Variants in SLC6A13 observed in about 807,000 individuals in gnomAD.
SLC6A13 encodes sodium- and chloride-dependent GABA transporter 2.
SLC6A13 carries 69 observed loss-of-function variants against 72.9 expected under a neutral mutation model. The observed-to-expected ratio is 0.95, with a 90% CI of 0.78 to 1.16. The LOEUF is 1.16. SLC6A13 is among the 50% of genes most tolerant of loss of function. The pLI, the probability that SLC6A13 is intolerant of heterozygous loss-of-function variation, is 0.00. For synonymous variants in SLC6A13, 303 were observed against 303.0 expected (o/e 1.00, Z 0.00); for missense variants, 735 against 760.5 (o/e 0.97, Z 0.39).
chr12:253,286 T>C (rs1217271492), intron 2 of SLC6A13, among the ~76,000 whole-genome samples: 1 of 152,176 alleles, frequency 6.6e-6, no homozygotes, highest in Non-Finnish European at 1.5e-5. Context: ...ATCTTCCACT[T>C]GAGCAACAGA....
chr12:230,459 T>C (rs1941663920), intron 7 of SLC6A13, among the ~76,000 whole-genome samples: 1 of 151,696 alleles, frequency 6.6e-6, no homozygotes, highest in Non-Finnish European at 1.5e-5. Flanking sequence ...GGCTGTGCGA[T>C]CTTAGGCAAG....
At chr12:238,141 T>G (rs1942009376) in intron 4 of SLC6A13, 131 bp from the exon 5 acceptor site, 1 of 1,546,396 alleles carries the variant, frequency 6.5e-7, no homozygotes, top group South Asian at 1.2e-5. Flanking sequence ...TAAGGTTATC[T>G]GTACAAAACA....
At chr12:248,911 T>C (rs1333983554) in intron 2 of SLC6A13, among the ~76,000 whole-genome samples, 1 of 152,042 alleles carries the variant, frequency 6.6e-6, no homozygotes, top group Non-Finnish European at 1.5e-5. Context: ...TCTCAGTAAG[T>C]TTAAAAGCAT....
rs563805330 is a variant in SLC6A13 at position 254,247 on chromosome 12, C to T, written c.202+5604G>A. 1.6e-3 allele frequency among the ~76,000 whole-genome samples: 251 copies of T among 152,366 alleles called. 1 individual carries two copies. The highest frequency in any genetic ancestry group is 5.7e-3 in the Admixed American group (88 of 15,308). ...GAGTCTGGCCACTGGCACACTGTCACTGCTACGCAGGACTCACATGGCCCC... is the reference window on the plus strand; with the variant it reads ...GAGTCTGGCCACTGGCACACTGTCATTGCTACGCAGGACTCACATGGCCCC... On this transcript the variant is annotated intron_variant, in intron 2 of 14. Coordinates refer to ENST00000343164, the MANE Select transcript of SLC6A13 (RefSeq NM_016615.5). This position sits in a 1 kb window ranked among gnomAD's most constrained non-coding sequence, Gnocchi z 4.4.
intron 3 of SLC6A13, 136 bp downstream of exon 3, chr12:243,543 C>T (rs1003356339): frequency 2.5e-5 from 21 of 856,444 alleles, no homozygotes; most frequent in Non-Finnish European, 3.4e-5. Flanking sequence ...GTATGCAGCC[C>T]ACAAACCAAG....
intron 7 of SLC6A13, among the ~76,000 whole-genome samples, chr12:229,338 CTTGG>C (rs1941609605): frequency 6.6e-6 from 1 of 152,194 alleles, no homozygotes. Flanking sequence ...GAGGAGATGC[CTTGG>C]CCAGTCTGTT....
At chr12:242,826 C>T (rs1270438326) in intron 3 of SLC6A13, 72 bp from the exon 4 acceptor site, 34 of 1,443,688 alleles carry the variant, frequency 2.4e-5, no homozygotes, top group Admixed American at 1.2e-4. Context: ...TTCAGCTATG[C>T]GGGACGCTGA....
chr12:262,776 A>G lies in SLC6A13; in HGVS notation c.-6+13T>C. ...GCAGAAATAGAAAAAAAAGAGAAGA[A>G]AACATTTCGAACCTTAGTGAAGCTG... is the stretch of plus-strand genomic sequence containing the variant. On this transcript the variant is annotated intron_variant, in intron 1 of 14. Transcript: ENST00000343164. The G allele has an allele frequency of 1.2e-6, 1 of 835,152 alleles. No individual in the cohort carries two copies. Among genetic ancestry groups the G allele is most frequent in the Non-Finnish European group, 1.4e-6 (1 of 692,882 alleles). The allele number at this position is 835,152 out of a possible 1,614,324, so 51.7% of individuals were successfully genotyped here. A position where few individuals can be genotyped will look rare whatever the true frequency, so the allele number is the denominator to read the frequency against.
chr12:225,922 GAA>G (rs887108766), intron 9 of SLC6A13, among the ~76,000 whole-genome samples: 2 of 152,194 alleles, frequency 1.3e-5, no homozygotes, highest in African/African-American at 4.8e-5. Flanking sequence ...ACAAAAGAGG[GAA>G]ACCCTATCTG....
intron 2 of SLC6A13, among the ~76,000 whole-genome samples, chr12:250,790 TC>T (rs1216905897): frequency 1.9e-5 from 2 of 103,614 alleles, no homozygotes; most frequent in East Asian, 2.7e-4. Context: ...ACAAATTCTT[TC>T]TAAAATTCAT....
At chr12:225,324 G>A (rs566558797) in intron 9 of SLC6A13, among the ~76,000 whole-genome samples, 22 of 152,306 alleles carry the variant, frequency 1.4e-4, no homozygotes, top group African/African-American at 4.1e-4. Flanking sequence ...AGAGTGCCTC[G>A]CCCAGCACCT....
At chr12:259,271 G>A (rs955965861) in intron 2 of SLC6A13, 1 of 986,306 alleles carries the variant, frequency 1.0e-6, no homozygotes, top group Non-Finnish European at 1.2e-6. Flanking sequence ...TATTACTTAA[G>A]ACCACAGAAC....
In SLC6A13 at chr12:243,774, C is replaced by T. The variant is rs766751945; in HGVS notation, c.242G>A (p.Cys81Tyr). The T allele has an allele frequency of 6.2e-7, 1 of 1,614,188 alleles. No individual in the cohort carries two copies. The highest frequency in any genetic ancestry group is 8.5e-7 in the Non-Finnish European group (1 of 1,180,022). ...CTCCAGAAGGAAGACAGGAATGCCA[C>T]AGGTAAAGAGGAAGACGAGGTAGGG... is the stretch of plus-strand genomic sequence containing the variant. ...FIPYLVFLFT[C>Y]GIPVFLLETA... The change falls in exon 3 of 15, where the codon TGT becomes TAT. Residue 81 changes from cysteine to tyrosine, a missense_variant. Coordinates refer to ENST00000343164, the MANE Select transcript of SLC6A13 (RefSeq NM_016615.5).
chr12:259,969 G>T lies in SLC6A13; in HGVS notation c.84C>A (p.Gly28=). Residue 28 remains glycine (G), a synonymous_variant, in exon 2 of 15, where the codon GGC becomes GGA. Coordinates refer to ENST00000343164, the MANE Select transcript of SLC6A13 (RefSeq NM_016615.5). ...YPVMEKKEED[G]TLERGHWNNK... is the part of the protein sequence containing the mutation. ...TGTTCCAGTGCCCCCGCTCCAGGGT[G>T]CCATCTTCCTCCTTCTTTTCCATGA... 1 of 1,614,144 alleles carries T rather than the reference G, an allele frequency of 6.2e-7. No individual in the cohort carries two copies. The highest frequency in any genetic ancestry group is 8.5e-7 in the Non-Finnish European group (1 of 1,180,022).
intron 13 of SLC6A13, among the ~76,000 whole-genome samples, chr12:221,817 C>T (rs570314403): frequency 1.2e-4 from 19 of 152,328 alleles, no homozygotes; most frequent in African/African-American, 4.3e-4. Flanking sequence ...GTGGCCACTG[C>T]GTGCTGTGAG....
chr12:228,472 G>A (rs890449728), intron 7 of SLC6A13, among the ~76,000 whole-genome samples: 1 of 152,124 alleles, frequency 6.6e-6, no homozygotes, highest in South Asian at 2.1e-4. Flanking sequence ...CCAAGCAGGT[G>A]TTCCTCATGT....
chr12:238,249 G>GC, intron 4 of SLC6A13: 2 of 1,494,562 alleles, frequency 1.3e-6, no homozygotes, highest in Non-Finnish European at 1.8e-6. Context: ...TTCTCCTCAA[G>GC]CATGATCAGA....
chr12:234,376 G>A (rs1169348637), intron 7 of SLC6A13, among the ~76,000 whole-genome samples: 21 of 152,102 alleles, frequency 1.4e-4, no homozygotes, highest in Non-Finnish European at 2.2e-4. Flanking sequence ...TGAATAATCC[G>A]CCCCTTATTT....
chr12:253,356 T>C (rs2289958), intron 2 of SLC6A13: 2,690 of 152,376 alleles, frequency 0.018, 105 homozygotes, highest in South Asian at 0.16. Flanking sequence ...TGACCAACAG[T>C]GGGCCCTGAG....
Sources: gnomAD v4.1 joint callset for allele counts (sites outside exome capture counted in the v4.1 genomes callset) on GRCh38, gnomAD v4.1.1 for gene constraint, Gnocchi (gnomAD v3.1) non-coding constraint, MANE v1.5 for transcripts, NCBI Gene and HGNC (gene_info 2026-07-23, HGNC 2026-07-21) for gene names.